The following NKAIN3 variants were observed in gnomAD, a reference collection of about 807,000 sequenced individuals.
The protein encoded by NKAIN3 is sodium/potassium transporting ATPase interacting 3.
NKAIN3 carries 25 observed loss-of-function variants against 30.2 expected under a neutral mutation model. The observed-to-expected ratio is 0.83, with a 90% CI of 0.60 to 1.16. The LOEUF (loss-of-function observed/expected upper bound fraction) is 1.16, where lower values mean the gene tolerates loss of function less well. NKAIN3 is among the 50% of genes most tolerant of loss of function. The pLI is 0.00. For synonymous variants in NKAIN3, 91 were observed against 89.6 expected (o/e 1.02, Z -0.09); for missense variants, 225 against 254.1 (o/e 0.89, Z 0.78).
chr8:62,897,381 T>C (rs1163812077), intron 4 of NKAIN3, among the ~76,000 whole-genome samples: 1 of 147,144 alleles, frequency 6.8e-6, no homozygotes, highest in Non-Finnish European at 1.5e-5. Context: ...TTTTTTTTTT[T>C]CATTTAAAGA....
chr8:62,753,223 C>CAT (rs1816342339), intron 4 of NKAIN3, among the ~76,000 whole-genome samples: 1 of 150,168 alleles, frequency 6.7e-6, no homozygotes, highest in Non-Finnish European at 1.5e-5. Flanking sequence ...CACACACACA[C>CAT]ACACACACAC....
chr8:62,561,469 C>G (rs1209724613), intron 1 of NKAIN3, among the ~76,000 whole-genome samples: 4 of 152,108 alleles, frequency 2.6e-5, no homozygotes, highest in Non-Finnish European at 5.9e-5. Flanking sequence ...AAAAAGTTGT[C>G]TGTATACCAC....
intron 1 of NKAIN3, among the ~76,000 whole-genome samples, chr8:62,540,319 A>G (rs1280965634): frequency 6.6e-6 from 1 of 152,132 alleles, no homozygotes; most frequent in African/African-American, 2.4e-5. Context: ...ATCCCCTACC[A>G]GTTTCAAACC....
At chr8:62,569,036 G>A (rs1372881220) in intron 1 of NKAIN3, among the ~76,000 whole-genome samples, 1 of 152,128 alleles carries the variant, frequency 6.6e-6, no homozygotes, top group Non-Finnish European at 1.5e-5. Context: ...ACAGGAAAAG[G>A]AGGTGATATA....
intron 1 of NKAIN3, among the ~76,000 whole-genome samples, chr8:62,529,479 G>A (rs1271954593): frequency 6.6e-6 from 1 of 152,132 alleles, no homozygotes; most frequent in East Asian, 1.9e-4. Context: ...GAAGGTGATT[G>A]GGACATGAGG....
intron 4 of NKAIN3, among the ~76,000 whole-genome samples, chr8:62,854,845 T>A (rs1263377221): frequency 6.6e-6 from 1 of 152,206 alleles, no homozygotes; most frequent in East Asian, 1.9e-4. Flanking sequence ...CGATTTTTCC[T>A]TTCCATATTT....
In NKAIN3 at chr8:62,523,272, C is replaced by T. The variant is rs375417951; in HGVS notation, c.55-56267C>T. ...CTAGATGTGCAGCAGGCTATACCAT[C>T]TAGGTTTGTGTAAGTACACTCTGTG... On this transcript the variant is annotated intron_variant, in intron 1 of 6. Transcript: ENST00000623646. Among the ~76,000 whole-genome samples the T allele has an allele frequency of 1.6e-3, 242 of 152,240 alleles. 4 individuals carry two copies. In the South Asian group the frequency reaches 0.048, roughly 30 times the overall value.
intron 1 of NKAIN3, among the ~76,000 whole-genome samples, chr8:62,450,681 C>T (rs1441709718): frequency 1.3e-5 from 2 of 152,082 alleles, no homozygotes; most frequent in Admixed American, 1.3e-4. Context: ...AGATGAAGCC[C>T]AGGCAGTGTA....
At position 62,831,396 on chromosome 8, in the gene NKAIN3, T is replaced by C. The variant is rs556574744; in HGVS notation, c.471+84267T>C. Among the ~76,000 whole-genome samples, 141 of 152,168 alleles carry C rather than the reference T, an allele frequency of 9.3e-4. 1 individual carries two copies. The highest frequency in any genetic ancestry group is 4.2e-3 in the Admixed American group (64 of 15,260). ...AATCCTCCCTAAACAAAATGGAATT[T>C]CAGAAATGACATGAATAATTCAAAG... is the stretch of plus-strand genomic sequence containing the variant. On this transcript the variant is annotated intron_variant, in intron 4 of 6. Coordinates refer to ENST00000623646, the MANE Select transcript of NKAIN3 (RefSeq NM_001304533.3).
At chr8:62,620,368 G>A (rs554862726) in intron 3 of NKAIN3, among the ~76,000 whole-genome samples, 11 of 152,226 alleles carry the variant, frequency 7.2e-5, no homozygotes, top group African/African-American at 2.6e-4. Context: ...AGTTCTCCAT[G>A]CACATTCTGT....
rs536671561 is a variant in NKAIN3, at chr8:62,973,259, A to G, written c.*7852A>G. ...AGGAATTGCCACACTGTCATCCACA[A>G]TGGTTGAAGTAAATTACACTCCCAC... On this transcript the variant is annotated 3_prime_UTR_variant, in exon 7 of 7. Transcript: ENST00000623646. 7.4e-4 allele frequency among the ~76,000 whole-genome samples: 113 copies of G among 152,324 alleles called. 1 individual carries two copies. Among genetic ancestry groups the G allele is most frequent in the African/African-American group, 2.6e-3 (110 of 41,576 alleles).
intron 4 of NKAIN3, among the ~76,000 whole-genome samples, chr8:62,827,286 G>C (rs1246938697): frequency 6.6e-6 from 1 of 152,204 alleles, no homozygotes; most frequent in African/African-American, 2.4e-5. Flanking sequence ...ACGAGGCAAA[G>C]AACTGGAAGT....
At chr8:62,636,878 C>A (rs1409215280) in intron 3 of NKAIN3, among the ~76,000 whole-genome samples, 4 of 152,116 alleles carry the variant, frequency 2.6e-5, no homozygotes, top group Admixed American at 2.6e-4. Flanking sequence ...CTAATAGTTA[C>A]CTAAACTCAT....
intron 3 of NKAIN3, among the ~76,000 whole-genome samples, chr8:62,701,512 T>G (rs926319118): frequency 6.6e-6 from 1 of 152,216 alleles, no homozygotes; most frequent in Non-Finnish European, 1.5e-5. Context: ...GGAAGTATCC[T>G]CGCAGGCCAG....
At chr8:62,641,436 A>G (rs1295189249) in intron 3 of NKAIN3, among the ~76,000 whole-genome samples, 4 of 152,188 alleles carry the variant, frequency 2.6e-5, no homozygotes, top group African/African-American at 7.2e-5. Flanking sequence ...GCAGCTAAAA[A>G]GTTAGCTATG....
chr8:62,895,144 T>A (rs1821394278), intron 4 of NKAIN3, among the ~76,000 whole-genome samples: 1 of 152,194 alleles, frequency 6.6e-6, no homozygotes, highest in Non-Finnish European at 1.5e-5. Flanking sequence ...CAACCCACAA[T>A]ATAGAAGCCT....
At chr8:62,876,580 T>C (rs1481710268) in intron 4 of NKAIN3, among the ~76,000 whole-genome samples, 1 of 152,136 alleles carries the variant, frequency 6.6e-6, no homozygotes, top group Non-Finnish European at 1.5e-5. Context: ...CCATCGATGA[T>C]AGACTGGATA....
chr8:62,863,706 G>A (rs1041443737), intron 4 of NKAIN3: 2 of 1,510,820 alleles, frequency 1.3e-6, no homozygotes, highest in African/African-American at 2.7e-5. Context: ...TCTGTATCAC[G>A]CTGAGCACTT....
chr8:62,348,587 G>A (rs913727772), intron 1 of NKAIN3, among the ~76,000 whole-genome samples: 1 of 152,090 alleles, frequency 6.6e-6, no homozygotes, highest in Non-Finnish European at 1.5e-5. Context: ...CAAATCTTAG[G>A]CTGCTCAATG....
Sources: gnomAD v4.1 joint callset for allele counts (sites outside exome capture counted in the v4.1 genomes callset) on GRCh38, gnomAD v4.1.1 for gene constraint, MANE v1.5 for transcripts, NCBI Gene and HGNC (gene_info 2026-07-23, HGNC 2026-07-21) for gene names.